The following LIMCH1 variants were observed in gnomAD, a reference collection of about 807,000 sequenced individuals.
The protein encoded by LIMCH1 is LIM and calponin homology domains 1.
LIMCH1 carries 113 observed loss-of-function variants against 176.5 expected under a neutral mutation model. The observed-to-expected ratio is 0.64, with a 90% CI of 0.55 to 0.75. LIMCH1 has a LOEUF of 0.75. LIMCH1 is among the 30% of genes least tolerant of loss of function. The pLI is 0.00. For missense variants in LIMCH1, 1,674 were observed against 1,814.9 expected (o/e 0.92, Z 1.41); for synonymous variants, 619 against 645.9 (o/e 0.96, Z 0.63).
rs1255225387 is a variant in LIMCH1, at chr4:41,698,110, G to T, written c.*925G>T. The T allele has an allele frequency of 6.6e-6, 1 of 152,072 alleles. No homozygotes were observed. Among genetic ancestry groups the T allele is most frequent in the East Asian group, 1.9e-4 (1 of 5,174 alleles). The allele number at this position is 152,072 out of a possible 1,614,324, so 9.4% of individuals were successfully genotyped here. On this transcript the variant is annotated 3_prime_UTR_variant, in exon 32 of 32. Transcript: ENST00000503057. ...TGAGGTATATGGAAGATGAGGCACC[G>T]AGATAAGTTCATCATTAGGTGTGAG... is the stretch of plus-strand genomic sequence containing the variant.
intron 4 of LIMCH1, among the ~76,000 whole-genome samples, chr4:41,610,459 G>A (rs1003656308): frequency 2.6e-5 from 4 of 152,268 alleles, no homozygotes; most frequent in Admixed American, 1.3e-4. Context: ...TGTGTAGAAA[G>A]TTGTGTCCTT....
At chr4:41,565,061 C>A (rs770072849) in intron 1 of LIMCH1, among the ~76,000 whole-genome samples, 4 of 152,138 alleles carry the variant, frequency 2.6e-5, no homozygotes, top group Admixed American at 1.3e-4. Context: ...TGAGAACAGA[C>A]TGATACACCC....
At chr4:41,681,919 A>C (rs1410047382) in intron 25 of LIMCH1, among the ~76,000 whole-genome samples, 1 of 152,216 alleles carries the variant, frequency 6.6e-6, no homozygotes, top group East Asian at 1.9e-4. Flanking sequence ...TGAAGGCCAG[A>C]GAGAGCCTAT....
At chr4:41,534,733 C>T (rs1340493347), upstream of LIMCH1, among the ~76,000 whole-genome samples, 1 of 151,972 alleles carries the variant, frequency 6.6e-6, no homozygotes, top group Non-Finnish European at 1.5e-5. Context: ...TGAAGTTCCC[C>T]TCCCCCTCCA....
At chr4:41,492,272 G>A (rs1475809283) in intron 1 of LIMCH1, among the ~76,000 whole-genome samples, 1 of 152,156 alleles carries the variant, frequency 6.6e-6, no homozygotes, top group East Asian at 1.9e-4. Context: ...GTGGCGGTGT[G>A]TGCCTGGAAT....
chr4:41,670,582 A>G (rs3762912), intron 21 of LIMCH1: 10,203 of 573,348 alleles, frequency 0.018, 145 homozygotes, highest in African/African-American at 0.046. Flanking sequence ...GACATTTTGT[A>G]CTGTAGATTT....
At chr4:41,681,265 T>C (rs1008261887) in intron 25 of LIMCH1, among the ~76,000 whole-genome samples, 2 of 151,976 alleles carry the variant, frequency 1.3e-5, no homozygotes, top group Non-Finnish European at 2.9e-5. Context: ...TCCTGGGGAG[T>C]GGTAAAGTCA....
chr4:41,427,468 T>G (rs1396897291), intron 1 of LIMCH1, among the ~76,000 whole-genome samples: 1 of 152,204 alleles, frequency 6.6e-6, no homozygotes, highest in Non-Finnish European at 1.5e-5. Context: ...CCTATCCTAC[T>G]GCCCTCTCCC....
chr4:41,644,628 T>C lies in LIMCH1; in HGVS notation c.2253+2T>C. On this transcript the variant is annotated splice_donor_variant, in intron 15 of 31. Transcript: ENST00000503057. LOFTEE classifies it high-confidence loss of function. ...GAAGAGGACGACAAATGGCAAGATG[T>C]GAGTTGTGGCCAAGGCGCGCGGGCA... 1 of 1,608,384 alleles carries C rather than the reference T, an allele frequency of 6.2e-7. No homozygotes were observed. The highest frequency in any genetic ancestry group is 2.3e-5 in the East Asian group (1 of 44,338).
At chr4:41,446,490 C>T (rs2063305772) in intron 1 of LIMCH1, among the ~76,000 whole-genome samples, 1 of 152,166 alleles carries the variant, frequency 6.6e-6, no homozygotes, top group Non-Finnish European at 1.5e-5. Context: ...ATGGGAATAG[C>T]TGGAATGAAG....
intron 1 of LIMCH1, among the ~76,000 whole-genome samples, chr4:41,588,130 CT>C (rs984169180): frequency 3.9e-5 from 6 of 152,006 alleles, no homozygotes; most frequent in African/African-American, 9.7e-5. Context: ...GTTCCCCTTC[CT>C]GTGTCCATGT....
intron 1 of LIMCH1, among the ~76,000 whole-genome samples, chr4:41,363,196 T>C (rs950481647): frequency 6.6e-6 from 1 of 152,162 alleles, no homozygotes; most frequent in Non-Finnish European, 1.5e-5. Context: ...TTGTAACAGA[T>C]GGTTTTGCAT....
intron 1 of LIMCH1, among the ~76,000 whole-genome samples, chr4:41,401,841 A>T (rs1160481042): frequency 1.3e-5 from 2 of 152,064 alleles, no homozygotes; most frequent in Non-Finnish European, 2.9e-5. Flanking sequence ...TTTGTCTGTT[A>T]TTGGTGTATA....
At chr4:41,455,817 G>T (rs1251555511) in intron 1 of LIMCH1, among the ~76,000 whole-genome samples, 2 of 152,136 alleles carry the variant, frequency 1.3e-5, no homozygotes, top group African/African-American at 2.4e-5. Flanking sequence ...GTTAATCATG[G>T]TAGTTACATT....
intron 2 of LIMCH1, among the ~76,000 whole-genome samples, chr4:41,513,122 T>TA (rs2152365369): frequency 6.6e-6 from 1 of 152,152 alleles, no homozygotes; most frequent in South Asian, 2.1e-4. Context: ...TCAAAAGAGA[T>TA]ATAAAGAAAA....
intron 1 of LIMCH1, among the ~76,000 whole-genome samples, chr4:41,394,512 C>G (rs117092832): frequency 6.6e-6 from 1 of 152,114 alleles, no homozygotes; most frequent in Admixed American, 6.5e-5. Flanking sequence ...CAGCTGTACT[C>G]TGGGGCTTGG....
chr4:41,613,111 G>T, intron 4 of LIMCH1: 1 of 1,551,098 alleles, frequency 6.4e-7, no homozygotes, highest in Non-Finnish European at 8.7e-7. Flanking sequence ...TAAGGTTTTG[G>T]TTTTTCGTTT....
intron 2 of LIMCH1, among the ~76,000 whole-genome samples, chr4:41,498,424 A>G (rs1378824191): frequency 3.9e-5 from 6 of 152,216 alleles, no homozygotes; most frequent in Non-Finnish European, 8.8e-5. Flanking sequence ...GCCTGTGCCC[A>G]GTGGAATGGC....
intron 1 of LIMCH1, among the ~76,000 whole-genome samples, chr4:41,581,917 A>G (rs1327152788): frequency 1.3e-5 from 2 of 151,794 alleles, no homozygotes; most frequent in East Asian, 3.9e-4. Context: ...TCCAGAGTTC[A>G]TCCACGTTCT....
Sources: gnomAD v4.1 joint callset for allele counts (sites outside exome capture counted in the v4.1 genomes callset) on GRCh38, gnomAD v4.1.1 for gene constraint, MANE v1.5 for transcripts, NCBI Gene and HGNC (gene_info 2026-07-23, HGNC 2026-07-21) for gene names.